Variants in CLK4 observed in about 807,000 individuals in gnomAD.
CLK4 encodes the protein CDC like kinase 4.
CLK4 carries 37 observed loss-of-function variants against 64.4 expected under a neutral mutation model. The ratio of observed to expected loss-of-function variants is 0.57; its 90% CI spans 0.44 to 0.76. CLK4 has a LOEUF of 0.76. CLK4 is among the 30% of genes least tolerant of loss of function. The probability of loss-of-function intolerance (pLI) is 0.00; values close to 1 mark genes in which losing one functional copy is unlikely to be tolerated. For synonymous variants in CLK4, 175 were observed against 191.6 expected (o/e 0.91, Z 0.72); for missense variants, 457 against 605.1 (o/e 0.76, Z 2.57).
At chr5:178,616,803 T>G in intron 5 of CLK4, 79 bp downstream of exon 5, 1 of 1,106,006 alleles carries the variant, frequency 9.0e-7, no homozygotes, top group African/African-American at 1.6e-5. Flanking sequence ...AATAAATAAA[T>G]AAATAAAATT....
chr5:178,623,686 C>G (rs553725765), intron 1 of CLK4, among the ~76,000 whole-genome samples: 1 of 150,830 alleles, frequency 6.6e-6, no homozygotes, highest in Non-Finnish European at 1.5e-5. Context: ...AAATTCTCAG[C>G]TTGGTGCTTG....
Position 178,603,471 on chromosome 5 carries a change from T to C in CLK4, c.*146A>G. 4 of 491,012 alleles carry C rather than the reference T, an allele frequency of 8.1e-6. No homozygotes were observed. The highest frequency in any genetic ancestry group is 1.3e-5 in the Non-Finnish European group (4 of 297,618). The allele number at this position is 491,012 out of a possible 1,614,324, so 30.4% of individuals were successfully genotyped here. On this transcript the variant is annotated 3_prime_UTR_variant, in exon 13 of 13. Transcript: ENST00000316308. ...CCATACTTGCTTAACAAGTTAATTA[T>C]GCTATTGATACAAAACATACAATAT...
chr5:178,618,467 T>C (rs530364563), intron 3 of CLK4, 89 bp downstream of exon 3: 3 of 400,404 alleles, frequency 7.5e-6, no homozygotes, highest in Admixed American at 4.3e-5. Context: ...ATTTTATATA[T>C]ATATATATAA....
chr5:178,605,834 G>A (rs576448958), intron 10 of CLK4: 3 of 152,570 alleles, frequency 2.0e-5, no homozygotes, highest in African/African-American at 7.2e-5. Flanking sequence ...CAGCTGGAAT[G>A]GTATGCTTCT....
chr5:178,605,417 C>T (rs1352512889), intron 10 of CLK4, 35 bp from the exon 11 acceptor site: 2 of 1,237,970 alleles, frequency 1.6e-6, no homozygotes, highest in Non-Finnish European at 2.2e-6. Context: ...TTAGTACTCT[C>T]CATTTCCCTA....
chr5:178,610,752 G>A (rs1764545045), intron 9 of CLK4, among the ~76,000 whole-genome samples: 1 of 150,916 alleles, frequency 6.6e-6, no homozygotes, highest in Non-Finnish European at 1.5e-5. Context: ...CCCTGTCTCT[G>A]TTATAAAAAA....
intron 5 of CLK4, among the ~76,000 whole-genome samples, chr5:178,615,953 C>A (rs1440788338): frequency 6.6e-6 from 1 of 152,108 alleles, no homozygotes; most frequent in East Asian, 1.9e-4. Flanking sequence ...GCTTTATTGC[C>A]TCTGTAATCC....
chr5:178,608,606 G>A (rs761116998), intron 9 of CLK4, 148 bp from the exon 10 acceptor site: 38 of 562,160 alleles, frequency 6.8e-5, no homozygotes, highest in African/African-American at 9.6e-5. Flanking sequence ...TAGTTTTACA[G>A]CAAATGCTAT....
In CLK4 at chr5:178,623,413, G is replaced by C. The variant is rs140778498; in HGVS notation, c.4C>G (p.Arg2Gly). Residue 2 changes from arginine (R) to glycine (G), a missense_variant, in exon 2 of 13, where the codon CGG becomes GGG. Coordinates refer to ENST00000316308, the MANE Select transcript of CLK4 (RefSeq NM_020666.3). MRHSKRTHCPDW... is the reference protein window; with the variant it reads MGHSKRTHCPDW... ...GGACAGTGAGTTCTTTTGGAATGCC[G>C]CATCTGTTGATAGAAATGAAAAGGG... The C allele has an allele frequency of 3.1e-6, 5 of 1,606,656 alleles. 1 individual carries two copies. Among genetic ancestry groups the C allele is most frequent in the Non-Finnish European group, 4.2e-6 (5 of 1,177,318 alleles).
chr5:178,604,792 C>T (rs1764442250), intron 11 of CLK4: 1 of 152,208 alleles, frequency 6.6e-6, no homozygotes. Context: ...GGGTTGGGGA[C>T]CCCTGCACTA....
At chr5:178,614,870 C>T (rs1764604873) in intron 5 of CLK4, among the ~76,000 whole-genome samples, 1 of 152,176 alleles carries the variant, frequency 6.6e-6, no homozygotes, top group South Asian at 2.1e-4. Flanking sequence ...ATTACTGTGA[C>T]AAAGCTTCTA....
At chr5:178,610,088 A>AG (rs978351033) in intron 9 of CLK4, among the ~76,000 whole-genome samples, 11 of 151,832 alleles carry the variant, frequency 7.2e-5, no homozygotes, top group African/African-American at 9.7e-5. Context: ...CAGGAGTTGG[A>AG]GACCAGCCTG....
At chr5:178,618,438 TATA>T (rs1470058712) in intron 3 of CLK4, 115 bp downstream of exon 3, 1 of 321,988 alleles carries the variant, frequency 3.1e-6, no homozygotes, top group Admixed American at 5.0e-5. Context: ...TAAATACAAT[TATA>T]ATATATCCAA....
chr5:178,608,474 T>C lies in CLK4; in HGVS notation c.1052-16A>G, dbSNP rs200622445. On this transcript the variant is annotated splice_polypyrimidine_tract_variant and intron_variant, in intron 9 of 12. Transcript: ENST00000316308. Reference sequence around the variant, plus strand: ...CAACCTAAAGCTATTTTAAAACAAATAGAAACATTTTACTATGCAAAAACT... The same window carrying C: ...CAACCTAAAGCTATTTTAAAACAAACAGAAACATTTTACTATGCAAAAACT... 7.6e-5 allele frequency: 120 copies of C among 1,587,624 alleles called. 1 individual carries two copies. Among genetic ancestry groups the C allele is most frequent in the South Asian group, 5.5e-4 (48 of 86,882 alleles).
chr5:178,622,703 T>A (rs548928390), intron 2 of CLK4: 42 of 152,620 alleles, frequency 2.8e-4, no homozygotes, highest in Middle Eastern at 3.4e-3. Context: ...AAAGAATAGT[T>A]CTTAAATAAA....
chr5:178,610,132 T>C (rs998828189), intron 9 of CLK4, among the ~76,000 whole-genome samples: 1 of 149,074 alleles, frequency 6.7e-6, no homozygotes, highest in Non-Finnish European at 1.5e-5. Flanking sequence ...CTACTAAAAA[T>C]ACAAAAAATT....
At chr5:178,606,508 T>A (rs904782781) in intron 10 of CLK4, among the ~76,000 whole-genome samples, 1 of 152,210 alleles carries the variant, frequency 6.6e-6, no homozygotes, top group African/African-American at 2.4e-5. Flanking sequence ...TAGCCCATCA[T>A]AGCTGCATGC....
rs1198470264 is a variant in CLK4 at position 178,613,458 on chromosome 5, A to G, written c.826+15T>C. ...AATAAATAAATAAAAATAAAGATTT[A>G]TCAAGTGTACTTACAATTTATTGAC... is the stretch of plus-strand genomic sequence containing the variant. On this transcript the variant is annotated intron_variant, in intron 7 of 12. Transcript: ENST00000316308. The G allele has an allele frequency of 5.5e-6, 8 of 1,450,020 alleles. No individual in the cohort carries two copies. Among genetic ancestry groups the G allele is most frequent in the Non-Finnish European group, 5.5e-6 (6 of 1,093,038 alleles). 89.8% of individuals were successfully genotyped at this position (1,450,020 alleles called of 1,614,324 possible).
intron 9 of CLK4, 131 bp downstream of exon 9, chr5:178,612,281 ACATT>A (rs1410671944): frequency 1.5e-5 from 11 of 735,776 alleles, no homozygotes; most frequent in Non-Finnish European, 1.9e-5. Flanking sequence ...CAATGTCCAC[ACATT>A]TTTTATGAAA....
Sources: allele counts gnomAD v4.1 joint callset (sites outside exome capture counted in the v4.1 genomes callset), GRCh38; gene constraint gnomAD v4.1.1; transcripts MANE v1.5; gene names NCBI Gene and HGNC (gene_info 2026-07-23, HGNC 2026-07-21).